PXDNL: variants seen among roughly 807,000 people sequenced by gnomAD.
PXDNL encodes the protein peroxidasin like, also known as probable oxidoreductase PXDNL.
In PXDNL, 145 loss-of-function variants were observed where a neutral mutation model predicts 150.8. That is an observed-to-expected ratio of 0.96 (90% CI 0.84 to 1.10). The LOEUF (loss-of-function observed/expected upper bound fraction) is 1.10. Ranked by LOEUF, PXDNL falls within the 50% of genes least tolerant of loss-of-function variation. PXDNL has a pLI of 0.00. For missense variants in PXDNL, 2,087 were observed against 1,873.9 expected (o/e 1.11, Z -2.10); for synonymous variants, 757 against 725.7 (o/e 1.04, Z -0.69).
chr8:51,624,278 A>C (rs1163086273), intron 2 of PXDNL, among the ~76,000 whole-genome samples: 4 of 152,068 alleles, frequency 2.6e-5, no homozygotes. Context: ...TCTATGCAGC[A>C]CCAGACCAGG....
intron 19 of PXDNL, among the ~76,000 whole-genome samples, chr8:51,347,739 G>A (rs778845033): frequency 3.4e-5 from 5 of 148,460 alleles, no homozygotes; most frequent in Admixed American, 6.6e-5. Context: ...CACCGCGCCC[G>A]ACCTATTGCT....
chr8:51,637,992 C>A (rs536265297), intron 2 of PXDNL, among the ~76,000 whole-genome samples: 1 of 152,214 alleles, frequency 6.6e-6, no homozygotes, highest in Admixed American at 6.5e-5. Context: ...ATCAGACTAA[C>A]GGCAGATCTG....
At chr8:51,320,144 G>A (rs1182086012) in intron 22 of PXDNL, 122 bp from the exon 23 acceptor site, 6 of 898,440 alleles carry the variant, frequency 6.7e-6, no homozygotes, top group East Asian at 3.3e-5. Context: ...AATAAAAAAT[G>A]CTCATAGTAT....
chr8:51,764,295 T>G (rs1304314904), intron 1 of PXDNL, among the ~76,000 whole-genome samples: 1 of 151,926 alleles, frequency 6.6e-6, no homozygotes, highest in Non-Finnish European at 1.5e-5. Context: ...TTTTCTCTAG[T>G]CTCTACTTCA....
At chr8:51,634,730 T>C (rs1054106193) in intron 2 of PXDNL, among the ~76,000 whole-genome samples, 62 of 151,224 alleles carry the variant, frequency 4.1e-4, no homozygotes, top group Admixed American at 1.7e-3. Context: ...ATTTTATTTT[T>C]TTGTGGCTAT....
At chr8:51,433,312 G>A (rs1563410379) in intron 12 of PXDNL, among the ~76,000 whole-genome samples, 1 of 150,910 alleles carries the variant, frequency 6.6e-6, no homozygotes, top group Admixed American at 6.6e-5. Context: ...TCTAAAAAAA[G>A]GGTTTTTTTG....
chr8:51,389,711 A>AT (rs1807831947), intron 17 of PXDNL, among the ~76,000 whole-genome samples: 1 of 152,168 alleles, frequency 6.6e-6, no homozygotes, highest in Non-Finnish European at 1.5e-5. Flanking sequence ...GAGCTTCTTT[A>AT]TGTTTAAAGC....
intron 2 of PXDNL, among the ~76,000 whole-genome samples, chr8:51,593,308 C>T (rs979052557): frequency 2.6e-5 from 4 of 152,038 alleles, no homozygotes; most frequent in African/African-American, 9.7e-5. Context: ...CTTGCAGTAA[C>T]CTTGAAAGCT....
At chr8:51,564,351 C>A (rs79190952) in intron 3 of PXDNL, among the ~76,000 whole-genome samples, 1 of 151,748 alleles carries the variant, frequency 6.6e-6, no homozygotes, top group East Asian at 1.9e-4. Flanking sequence ...GATTATAATA[C>A]GTAGAATTTA....
chr8:51,638,639 A>C (rs977260591), intron 2 of PXDNL, among the ~76,000 whole-genome samples: 2 of 152,182 alleles, frequency 1.3e-5, no homozygotes, highest in African/African-American at 4.8e-5. Context: ...TCAATTCAAC[A>C]AGAAGAGCTA....
intron 17 of PXDNL, among the ~76,000 whole-genome samples, chr8:51,395,951 T>C (rs555963109): frequency 6.0e-4 from 91 of 152,354 alleles, no homozygotes; most frequent in African/African-American, 2.0e-3. Context: ...AGCTCCCCAC[T>C]GCTCCTTTCT....
At chr8:51,323,583 C>A (rs573993411) in intron 21 of PXDNL, among the ~76,000 whole-genome samples, 1 of 152,238 alleles carries the variant, frequency 6.6e-6, no homozygotes, top group East Asian at 1.9e-4. Flanking sequence ...ACCACCACAC[C>A]CTGCTCTAAG....
intron 1 of PXDNL, among the ~76,000 whole-genome samples, chr8:51,720,050 G>A (rs1321136584): frequency 6.6e-6 from 1 of 152,136 alleles, no homozygotes; most frequent in Non-Finnish European, 1.5e-5. Context: ...GGACTAGGGT[G>A]AAGTAAGTGA....
intron 4 of PXDNL, among the ~76,000 whole-genome samples, chr8:51,546,648 G>A (rs73586772): frequency 0.028 from 4,197 of 152,286 alleles, 188 homozygotes; most frequent in African/African-American, 0.096. Flanking sequence ...AACATGAAGT[G>A]CAGAAATGAG....
At chr8:51,589,628 G>A (rs1813398291) in intron 3 of PXDNL, among the ~76,000 whole-genome samples, 1 of 152,184 alleles carries the variant, frequency 6.6e-6, no homozygotes, top group Non-Finnish European at 1.5e-5. Flanking sequence ...AATTGTGTTG[G>A]TGTCCTAGGA....
At position 51,413,053 on chromosome 8, in the gene PXDNL, A is replaced by G. The variant is rs551967518; in HGVS notation, c.1904+97T>C. ...ACACAAGGACTAAAGAAAGCACTCT[A>G]TTGCATATGCACTATAATGTGACTT... is the stretch of plus-strand genomic sequence containing the variant. On this transcript the variant is annotated intron_variant, in intron 15 of 22. Transcript: ENST00000356297. The G allele has an allele frequency of 4.7e-5, 34 of 724,660 alleles. 1 individual carries two copies. Among genetic ancestry groups the G allele is most frequent in the South Asian group, 4.3e-4 (26 of 60,592 alleles). The allele number at this position is 724,660 out of a possible 1,614,324, so 44.9% of individuals were successfully genotyped here. A position where few individuals can be genotyped will look rare whatever the true frequency, so the allele number is the denominator to read the frequency against.
intron 1 of PXDNL, among the ~76,000 whole-genome samples, chr8:51,752,669 C>G (rs1563310085): frequency 6.7e-6 from 1 of 148,550 alleles, no homozygotes; most frequent in African/African-American, 2.5e-5. Context: ...GGTGTACTGT[C>G]CTCATTGTTC....
At chr8:51,387,376 G>A (rs921407089) in intron 17 of PXDNL, among the ~76,000 whole-genome samples, 2 of 152,150 alleles carry the variant, frequency 1.3e-5, no homozygotes, top group Non-Finnish European at 2.9e-5. Flanking sequence ...CTATAAGGAG[G>A]TCTCATTTTG....
At position 51,408,690 on chromosome 8, in the gene PXDNL, G is replaced by T; in HGVS notation, c.2934C>A (p.His978Gln). The T allele has an allele frequency of 6.3e-7, 1 of 1,595,826 alleles. No individual in the cohort carries two copies. The highest frequency in any genetic ancestry group is 8.5e-7 in the Non-Finnish European group (1 of 1,170,854). The change falls in exon 17 of 23, where the codon CAC (histidine) becomes CAA (glutamine). Residue 978 changes from histidine to glutamine, a missense_variant. Physicochemically the swap from His to Gln is conservative, Grantham distance 24. Transcript: ENST00000356297. ...AAMHTLWFREHNRMATELSAL... is the reference protein window; with the variant it reads ...AAMHTLWFREQNRMATELSAL... Reference sequence around the variant, plus strand: ...CGGACAGCTCCGTGGCCATCCTGTTGTGTTCCCGGAACCACAGGGTGTGCA... The same window carrying T: ...CGGACAGCTCCGTGGCCATCCTGTTTTGTTCCCGGAACCACAGGGTGTGCA...
Sources: gnomAD v4.1 joint callset for allele counts (sites outside exome capture counted in the v4.1 genomes callset) on GRCh38, gnomAD v4.1.1 for gene constraint, MANE v1.5 for transcripts, NCBI Gene and HGNC (gene_info 2026-07-23, HGNC 2026-07-21) for gene names.